Variants in PHKA1 observed in about 807,000 individuals in gnomAD.
PHKA1 encodes phosphorylase kinase regulatory subunit alpha 1, also known as phosphorylase b kinase regulatory subunit alpha, skeletal muscle isoform.
Under a neutral mutation model 110.2 loss-of-function variants are expected in PHKA1, and 60 were observed. The observed-to-expected ratio is 0.54, with a 90% CI of 0.44 to 0.68. The LOEUF (loss-of-function observed/expected upper bound fraction) is 0.68. Ranked by LOEUF, PHKA1 falls within the 30% of genes least tolerant of loss-of-function variation. The pLI is 0.00. For synonymous variants in PHKA1, 316 were observed against 333.6 expected, an observed-to-expected ratio of 0.95 and a Z score of 0.58; for missense variants, 801 against 942.5, an observed-to-expected ratio of 0.85 and a Z score of 1.97.
chrX:72,699,517 A>AG (rs2054177472), intron 3 of PHKA1, among the ~76,000 whole-genome samples: 1 of 107,193 alleles, frequency 9.3e-6, no homozygotes, highest in Admixed American at 1.0e-4. Context: ...CAAAAAAAAA[A>AG]AAAAAAAAAA....
chrX:72,581,423 C>T (rs1369938494), intron 31 of PHKA1, among the ~76,000 whole-genome samples: 4 of 111,296 alleles, frequency 3.6e-5, no homozygotes, highest in Non-Finnish European at 7.5e-5. Flanking sequence ...TAGAATTTTC[C>T]CCATTATGAT....
chrX:72,629,814 GTGGTTACTCCAGGCAT>G lies in PHKA1; in HGVS notation c.1715-2781_1715-2766del, dbSNP rs1320797774. Among the ~76,000 whole-genome samples the G allele has an allele frequency of 2.7e-5, 3 of 111,109 alleles. No homozygotes were observed. The East Asian group carries it at 8.5e-4, about 31-fold the overall frequency. Reference sequence around the variant, plus strand: ...GTTATCTCCTTCTATAGGTTTCTTAGTGGTTACTCCAGGCATTGTCTTATATATACAAACATGATGC... The same window carrying G: ...GTTATCTCCTTCTATAGGTTTCTTAGTGTCTTATATATACAAACATGATGC... On this transcript the variant is annotated intron_variant, in intron 16 of 31. Coordinates refer to ENST00000373542, the MANE Select transcript of PHKA1 (RefSeq NM_002637.4).
At chrX:72,644,585 G>A (rs1556296647) in intron 13 of PHKA1, 89 bp from the exon 14 acceptor site, 1 of 834,590 alleles carries the variant, frequency 1.2e-6, no homozygotes. Context: ...TTCTTTTAAA[G>A]AGAAAAAAAG....
chrX:72,619,109 G>A (rs997174780), intron 20 of PHKA1, 105 bp downstream of exon 20: 26 of 575,758 alleles, frequency 4.5e-5, no homozygotes, highest in African/African-American at 9.0e-5. Flanking sequence ...AGCATTTTGC[G>A]TACCACTAGT....
intron 13 of PHKA1, among the ~76,000 whole-genome samples, chrX:72,646,097 T>A (rs1235933193): frequency 1.8e-5 from 2 of 112,212 alleles, no homozygotes; most frequent in Non-Finnish European, 3.8e-5. Flanking sequence ...TGCTGTAGCA[T>A]AATATACCTT....
Position 72,667,444 on chromosome X carries a change from A to G in PHKA1, c.648T>C (p.Asp216=). ...GAGGCCCACCTTTCACACCAAACAG[A>G]TCCAGTTCATCTAATGCTTCCAGGG... ...KAALEALDEL[D]LFGVKGGPQS... is the part of the protein sequence containing the mutation. The change falls in exon 7 of 32, where the codon GAT becomes GAC. Residue 216 remains aspartate (D), a synonymous_variant. Transcript: ENST00000373542. 1 of 1,210,042 alleles carries G rather than the reference A, an allele frequency of 8.3e-7. No homozygotes were observed.
intron 2 of PHKA1, among the ~76,000 whole-genome samples, chrX:72,711,157 G>A (rs1556334592): frequency 1.8e-5 from 2 of 110,627 alleles, no homozygotes; most frequent in Non-Finnish European, 3.8e-5. Context: ...CACCGCGCCC[G>A]GCCTGTTAAA....
intron 21 of PHKA1, among the ~76,000 whole-genome samples, chrX:72,614,701 G>C (rs1484469086): frequency 8.9e-6 from 1 of 111,774 alleles, no homozygotes; most frequent in African/African-American, 3.3e-5. Flanking sequence ...AAAGTTGAAA[G>C]TCAAATCATA....
At chrX:72,625,942 T>C (rs1295242485) in intron 17 of PHKA1, among the ~76,000 whole-genome samples, 2 of 111,469 alleles carry the variant, frequency 1.8e-5, no homozygotes, top group African/African-American at 6.5e-5. Flanking sequence ...AGTGTGATGA[T>C]TATATTATAG....
chrX:72,652,472 C>A, intron 12 of PHKA1, 72 bp downstream of exon 12: 1 of 610,107 alleles, frequency 1.6e-6, no homozygotes, highest in Non-Finnish European at 2.8e-6. Context: ...ATTTAATGAG[C>A]TACTTAAAAA....
At chrX:72,643,255 GCA>G (rs201968274) in intron 14 of PHKA1, among the ~76,000 whole-genome samples, 2 of 109,718 alleles carry the variant, frequency 1.8e-5, no homozygotes, top group African/African-American at 6.6e-5. Flanking sequence ...ACACATACAC[GCA>G]CACACACACA....
At chrX:72,695,942 T>G in intron 3 of PHKA1, 66 bp from the exon 4 acceptor site, 1 of 862,830 alleles carries the variant, frequency 1.2e-6, no homozygotes, top group South Asian at 2.0e-5. Flanking sequence ...CACACTTCTG[T>G]AATACTCTAA....
chrX:72,671,660 GGCATCAC>G (rs1556309233), intron 6 of PHKA1, among the ~76,000 whole-genome samples: 1 of 111,528 alleles, frequency 9.0e-6, no homozygotes, highest in East Asian at 2.8e-4. Flanking sequence ...CAAAGCTGGA[GGCATCAC>G]GCTACCTGAC....
chrX:72,580,726 T>A lies in PHKA1; in HGVS notation c.*276A>T. On this transcript the variant is annotated 3_prime_UTR_variant, in exon 32 of 32. Coordinates refer to ENST00000373542, the MANE Select transcript of PHKA1 (RefSeq NM_002637.4). ...GAATAAAAACACATGCAAACTTTTA[T>A]GAATGATGAAAGAAATAAAGCCAAT... The A allele has an allele frequency of 2.5e-6, 1 of 396,241 alleles. No individual in the cohort carries two copies. The highest frequency in any genetic ancestry group is 7.1e-4 in the Middle Eastern group (1 of 1,411). The allele number at this position is 396,241 out of a possible 1,213,427, so 32.7% of individuals were successfully genotyped here.
At chrX:72,709,455 A>G (rs1478006708) in intron 2 of PHKA1, 1 of 108,733 alleles carries the variant, frequency 9.2e-6, no homozygotes, top group Non-Finnish European at 1.9e-5. Context: ...CTCTGACATT[A>G]TTTCTCAGAA....
At position 72,580,969 on chromosome X, in the gene PHKA1, C is replaced by A; in HGVS notation, c.*33G>T. The A allele has an allele frequency of 8.4e-7, 1 of 1,189,285 alleles. No individual in the cohort carries two copies. Among genetic ancestry groups the A allele is most frequent in the Non-Finnish European group, 1.1e-6 (1 of 876,737 alleles). On this transcript the variant is annotated 3_prime_UTR_variant, in exon 32 of 32. Transcript: ENST00000373542. ...ATCAACCGAGGCAGGGACCAGCTGT[C>A]AAAAGGCTCCCAGAAGCCAGGAACC...
intron 17 of PHKA1, among the ~76,000 whole-genome samples, chrX:72,623,609 G>A (rs1469480850): frequency 1.8e-5 from 2 of 110,685 alleles, no homozygotes; most frequent in African/African-American, 6.6e-5. Flanking sequence ...AGCCTGGAGA[G>A]AATGAAGATA....
chrX:72,664,871 C>T lies in PHKA1; in HGVS notation c.864+1280G>A, dbSNP rs782358333. ...AAATTTTAAAATTTCTTAAAATAAA[C>T]GAAAATGGAAACATAACATCCCAAA... On this transcript the variant is annotated intron_variant, in intron 8 of 31. Coordinates refer to ENST00000373542, the MANE Select transcript of PHKA1 (RefSeq NM_002637.4). Among the ~76,000 whole-genome samples, 8 of 110,658 alleles carry T rather than the reference C, an allele frequency of 7.2e-5. No individual in the cohort carries two copies. The East Asian group carries it at 8.4e-4, about 12-fold the overall frequency.
At chrX:72,632,935 A>C (rs2053183780) in intron 16 of PHKA1, among the ~76,000 whole-genome samples, 2 of 111,981 alleles carry the variant, frequency 1.8e-5, no homozygotes, top group Admixed American at 1.9e-4. Context: ...TGCTATTGTT[A>C]TTGTTGTTTT....
Sources: allele counts gnomAD v4.1 joint callset (sites outside exome capture counted in the v4.1 genomes callset), GRCh38; gene constraint gnomAD v4.1.1; transcripts MANE v1.5; gene names NCBI Gene and HGNC (gene_info 2026-07-23, HGNC 2026-07-21).